PARD3: variants seen among roughly 807,000 people sequenced by gnomAD.
PARD3 encodes the protein partitioning defective 3 homolog.
In PARD3, 75 loss-of-function variants were observed where a neutral mutation model predicts 155.4. The observed-to-expected ratio is 0.48, with a 90% CI of 0.40 to 0.58. The LOEUF (loss-of-function observed/expected upper bound fraction) is 0.58, where lower values mean the gene tolerates loss of function less well. Among genes scored for constraint, PARD3 ranks in the 20% least tolerant of loss-of-function variants. PARD3 has a pLI of 0.00. For missense variants in PARD3, 1,642 were observed against 1,721.7 expected (o/e 0.95, Z 0.82); for synonymous variants, 576 against 610.5 (o/e 0.94, Z 0.83).
At chr10:34,534,769 G>C (rs1244525196) in intron 2 of PARD3, among the ~76,000 whole-genome samples, 1 of 152,140 alleles carries the variant, frequency 6.6e-6, no homozygotes, top group Non-Finnish European at 1.5e-5. Flanking sequence ...CTAGCACTTT[G>C]GGAGGCCGAG....
chr10:34,291,741 T>C (rs891244527), intron 20 of PARD3, among the ~76,000 whole-genome samples: 8 of 152,184 alleles, frequency 5.3e-5, no homozygotes, highest in Non-Finnish European at 1.0e-4. Context: ...GGTTAATAAA[T>C]CTATGTTTAA....
intron 1 of PARD3, among the ~76,000 whole-genome samples, chr10:34,773,325 T>C (rs1004654242): frequency 6.6e-6 from 1 of 152,252 alleles, no homozygotes; most frequent in African/African-American, 2.4e-5. Context: ...TTCTGCTATA[T>C]AGACTCTATG....
In PARD3 at chr10:34,111,344, T is replaced by C; in HGVS notation, c.3887A>G (p.Lys1296Arg). The C allele has an allele frequency of 6.2e-7, 1 of 1,613,960 alleles. No homozygotes were observed. Among genetic ancestry groups the C allele is most frequent in the Non-Finnish European group, 8.5e-7 (1 of 1,179,844 alleles). Residue 1296 changes from lysine to arginine, a missense_variant, in exon 25 of 25, where the codon AAG becomes AGG. Lys to Arg is a conservative substitution (Grantham distance 26). This residue lies in a region of PARD3 where 1,529 missense variants were observed against 1,587.3 expected (regional missense o/e 0.96). Coordinates refer to ENST00000374788, the MANE Select transcript of PARD3 (RefSeq NM_001184785.2). ...GGGCCCCTCGGAAGGAGGCTGCTTCTTCATCTGCTGCTCCTTCCGCCTCTG... is the reference window on the plus strand; with the variant it reads ...GGGCCCCTCGGAAGGAGGCTGCTTCCTCATCTGCTGCTCCTTCCGCCTCTG... ...QEQRRKEQQM[K>R]KQPPSEGPSN...
intron 1 of PARD3, among the ~76,000 whole-genome samples, chr10:34,807,912 C>T (rs1843607895): frequency 6.6e-6 from 1 of 152,120 alleles, no homozygotes; most frequent in Non-Finnish European, 1.5e-5. Context: ...AGATAGCAGG[C>T]CAGATGCAAG....
chr10:34,343,612 C>T, intron 15 of PARD3: 1 of 985,314 alleles, frequency 1.0e-6, no homozygotes, highest in Non-Finnish European at 1.2e-6. Flanking sequence ...TGGGTTATGG[C>T]TCCAAGATTA....
At chr10:34,650,768 T>C (rs1019077579) in intron 2 of PARD3, among the ~76,000 whole-genome samples, 3 of 151,994 alleles carry the variant, frequency 2.0e-5, no homozygotes, top group Non-Finnish European at 2.9e-5. Context: ...TCCCAGCACT[T>C]TGGGAGGCCG....
At position 34,169,789 on chromosome 10, in the gene PARD3, C is replaced by A. The variant is rs79131623; in HGVS notation, c.3420-38206G>T. Among the ~76,000 whole-genome samples, 191 of 152,228 alleles carry A rather than the reference C, an allele frequency of 1.3e-3. 4 individuals are homozygous for A. The East Asian group carries it at 0.036, about 29-fold the overall frequency. ...GTTAAGGCATTATGGCATTAAGTTC[C>A]GACAATTGAATGAAGGTTCCCTGGA... is the stretch of plus-strand genomic sequence containing the variant. On this transcript the variant is annotated intron_variant, in intron 22 of 24. Coordinates refer to ENST00000374788, the MANE Select transcript of PARD3 (RefSeq NM_001184785.2).
intron 1 of PARD3, among the ~76,000 whole-genome samples, chr10:34,740,832 T>G (rs561619492): frequency 1.3e-5 from 2 of 152,268 alleles, no homozygotes; most frequent in South Asian, 4.1e-4. Flanking sequence ...TTATACCAAG[T>G]AGGGTAAACA....
chr10:34,475,823 C>T (rs2078669504), intron 3 of PARD3, among the ~76,000 whole-genome samples: 1 of 152,026 alleles, frequency 6.6e-6, no homozygotes, highest in African/African-American at 2.4e-5. Flanking sequence ...AAATATTGCC[C>T]ATTTTTTGCC....
chr10:34,121,482 T>C (rs1947002054), intron 23 of PARD3, among the ~76,000 whole-genome samples: 1 of 152,230 alleles, frequency 6.6e-6, no homozygotes. Flanking sequence ...TGAAAGCTAA[T>C]GGTAGACTTT....
chr10:34,466,267 C>T (rs1374626318), intron 4 of PARD3, among the ~76,000 whole-genome samples: 1 of 152,054 alleles, frequency 6.6e-6, no homozygotes, highest in Non-Finnish European at 1.5e-5. Flanking sequence ...CTCTTCAGGC[C>T]CTCAAGCAAC....
At chr10:34,180,193 A>G (rs1412319392) in intron 22 of PARD3, among the ~76,000 whole-genome samples, 1 of 151,984 alleles carries the variant, frequency 6.6e-6, no homozygotes, top group Non-Finnish European at 1.5e-5. Flanking sequence ...GATTACAGGC[A>G]CCCGCCACCA....
intron 2 of PARD3, among the ~76,000 whole-genome samples, chr10:34,551,718 G>A (rs561304733): frequency 6.6e-6 from 1 of 152,336 alleles, no homozygotes; most frequent in Admixed American, 6.5e-5. Flanking sequence ...CAGGACGTAA[G>A]GGCAGCGTGT....
At chr10:34,767,694 G>A (rs1296782363) in intron 1 of PARD3, among the ~76,000 whole-genome samples, 2 of 151,896 alleles carry the variant, frequency 1.3e-5, no homozygotes, top group African/African-American at 2.4e-5. Flanking sequence ...CGCCTCCTGG[G>A]TTCATGCGAT....
At chr10:34,659,072 A>T (rs1434573022) in intron 2 of PARD3, among the ~76,000 whole-genome samples, 1 of 152,220 alleles carries the variant, frequency 6.6e-6, no homozygotes, top group Non-Finnish European at 1.5e-5. Context: ...AAGCGCACAC[A>T]CAGTACTGGC....
intron 4 of PARD3, among the ~76,000 whole-genome samples, chr10:34,461,027 G>C (rs755872325): frequency 6.6e-6 from 1 of 152,016 alleles, no homozygotes; most frequent in Non-Finnish European, 1.5e-5. Flanking sequence ...TTGGCTTATA[G>C]GTAAAATAGA....
At chr10:34,695,910 T>C (rs1287368568) in intron 2 of PARD3, among the ~76,000 whole-genome samples, 9 of 152,156 alleles carry the variant, frequency 5.9e-5, no homozygotes, top group Admixed American at 5.2e-4. Context: ...ACGGTTGGGA[T>C]GGATCTTCTC....
At chr10:34,526,117 T>G (rs1374964507) in intron 2 of PARD3, among the ~76,000 whole-genome samples, 1 of 141,352 alleles carries the variant, frequency 7.1e-6, no homozygotes, top group African/African-American at 2.6e-5. Flanking sequence ...TCCAACACCA[T>G]GTAGGAAATA....
intron 3 of PARD3, among the ~76,000 whole-genome samples, chr10:34,484,824 T>C (rs538958676): frequency 6.6e-6 from 1 of 152,310 alleles, no homozygotes; most frequent in East Asian, 1.9e-4. Context: ...ATGAACCTTT[T>C]GCATTCTCCT....
Sources: allele counts gnomAD v4.1 joint callset (sites outside exome capture counted in the v4.1 genomes callset), GRCh38; gene constraint gnomAD v4.1.1; regional missense constraint gnomAD v4.1.1; transcripts MANE v1.5; gene names NCBI Gene and HGNC (gene_info 2026-07-23, HGNC 2026-07-21).